Variants in DRC11 observed in about 807,000 individuals in gnomAD.
DRC11 encodes IQ and AAA domain-containing protein 1.
the DRC11 span, among the ~76,000 whole-genome samples, chr2:236,326,631 TCTC>T: frequency 3.3e-5 from 5 of 152,216 alleles, no homozygotes; most frequent in African/African-American, 1.2e-4. Context: ...AATTATCTCT[TCTC>T]ATTTCATTTT....
At chr2:236,493,137 C>CA in the DRC11 span, among the ~76,000 whole-genome samples, 1 of 152,066 alleles carries the variant, frequency 6.6e-6, no homozygotes, top group Non-Finnish European at 1.5e-5. Context: ...TCTCATATGG[C>CA]GGCAGACAAG....
At chr2:236,426,026 C>G in the DRC11 span, among the ~76,000 whole-genome samples, 2 of 151,860 alleles carry the variant, frequency 1.3e-5, no homozygotes, top group African/African-American at 4.9e-5. This position sits in a 1 kb window ranked among gnomAD's most constrained non-coding sequence, Gnocchi z 4.1. Flanking sequence ...CGCTGTTTTG[C>G]TTTCTGTAGC....
At chr2:236,465,754 A>G in the DRC11 span, 1 of 1,220,550 alleles carries the variant, frequency 8.2e-7, no homozygotes, top group Non-Finnish European at 1.2e-6. This position sits in a 1 kb window ranked among gnomAD's most constrained non-coding sequence, Gnocchi z 6.2. Context: ...CATAAAAGTT[A>G]CAGAGTTGGT....
chr2:236,467,851 A>G, the DRC11 span, among the ~76,000 whole-genome samples: 1 of 152,230 alleles, frequency 6.6e-6, no homozygotes, highest in African/African-American at 2.4e-5. Flanking sequence ...TAAATTTTAA[A>G]CGAATTAGTT....
the DRC11 span, among the ~76,000 whole-genome samples, chr2:236,437,311 T>C: frequency 7.1e-6 from 1 of 140,244 alleles, no homozygotes; most frequent in African/African-American, 2.7e-5. Context: ...ATGGTGTATA[T>C]GTGCCACATT....
chr2:236,328,400 G>A, the DRC11 span, among the ~76,000 whole-genome samples: 2 of 152,040 alleles, frequency 1.3e-5, no homozygotes, highest in African/African-American at 4.8e-5. This position sits in a 1 kb window ranked among gnomAD's most constrained non-coding sequence, Gnocchi z 6.7. Flanking sequence ...CATGGTGTAG[G>A]CTTGGATTTT....
chr2:236,485,924 T>C, the DRC11 span, among the ~76,000 whole-genome samples: 1 of 152,234 alleles, frequency 6.6e-6, no homozygotes, highest in Non-Finnish European at 1.5e-5. Flanking sequence ...ATGGTCCCAG[T>C]GACCCCGCCT....
the DRC11 span, among the ~76,000 whole-genome samples, chr2:236,319,096 C>G: frequency 6.6e-6 from 1 of 152,218 alleles, no homozygotes; most frequent in Non-Finnish European, 1.5e-5. The surrounding 1 kb of genome is among the most constrained non-coding windows in gnomAD (Gnocchi z 6.7). Context: ...GGGCTTCTCA[C>G]AGGACCCTTC....
chr2:236,485,362 C>T, the DRC11 span, among the ~76,000 whole-genome samples: 1 of 151,992 alleles, frequency 6.6e-6, no homozygotes, highest in Non-Finnish European at 1.5e-5. Context: ...CTCACCAGGG[C>T]TCTGTATGTT....
At chr2:236,430,457 T>A in the DRC11 span, among the ~76,000 whole-genome samples, 2 of 152,260 alleles carry the variant, frequency 1.3e-5, no homozygotes, top group African/African-American at 4.8e-5. This position sits in a 1 kb window ranked among gnomAD's most constrained non-coding sequence, Gnocchi z 6.0. Flanking sequence ...ATACTGTTCT[T>A]GTTCTGCGTT....
chr2:236,351,438 A>G, the DRC11 span, among the ~76,000 whole-genome samples: 1 of 152,168 alleles, frequency 6.6e-6, no homozygotes, highest in African/African-American at 2.4e-5. This position sits in a 1 kb window ranked among gnomAD's most constrained non-coding sequence, Gnocchi z 7.3. Context: ...GCCAGGAGCC[A>G]GGGCACAGGG....
the DRC11 span, among the ~76,000 whole-genome samples, chr2:236,354,139 G>A: frequency 1.3e-5 from 2 of 151,988 alleles, no homozygotes; most frequent in Non-Finnish European, 2.9e-5. Flanking sequence ...GGGGCTCACA[G>A]GAAAGACTGG....
chr2:236,423,370 G>C, the DRC11 span, among the ~76,000 whole-genome samples: 4 of 151,476 alleles, frequency 2.6e-5, no homozygotes, highest in Admixed American at 2.6e-4. Flanking sequence ...AAAAAACAAC[G>C]CCATCAACAA....
the DRC11 span, among the ~76,000 whole-genome samples, chr2:236,321,889 C>T: frequency 2.9e-4 from 44 of 152,270 alleles, no homozygotes; most frequent in Non-Finnish European, 5.1e-4. Context: ...ACTTCACACT[C>T]ATACAACGGG....
chr2:236,323,374 C>G, the DRC11 span, among the ~76,000 whole-genome samples: 2 of 152,146 alleles, frequency 1.3e-5, no homozygotes, highest in African/African-American at 4.8e-5. The surrounding 1 kb of genome is among the most constrained non-coding windows in gnomAD (Gnocchi z 6.4). Flanking sequence ...AATTGGGGCA[C>G]CTTTGGTAAT....
At chr2:236,358,192 ATAAT>A in the DRC11 span, among the ~76,000 whole-genome samples, 1 of 117,044 alleles carries the variant, frequency 8.5e-6, no homozygotes, top group Non-Finnish European at 1.7e-5. Context: ...CTATGAATAT[ATAAT>A]ATATATACTA....
chr2:236,323,409 C>T, the DRC11 span, among the ~76,000 whole-genome samples: 1 of 152,174 alleles, frequency 6.6e-6, no homozygotes, highest in Non-Finnish European at 1.5e-5. This position sits in a 1 kb window ranked among gnomAD's most constrained non-coding sequence, Gnocchi z 6.4. Flanking sequence ...GTGGAGGGCA[C>T]CCTGAAGCCA....
the DRC11 span, among the ~76,000 whole-genome samples, chr2:236,416,732 TA>T: frequency 7.1e-3 from 321 of 45,242 alleles, 4 homozygotes; most frequent in African/African-American, 0.025. Context: ...TATATATATA[TA>T]TATATATATA....
the DRC11 span, among the ~76,000 whole-genome samples, chr2:236,469,503 C>T: frequency 6.6e-6 from 1 of 152,228 alleles, no homozygotes; most frequent in African/African-American, 2.4e-5. The surrounding 1 kb of genome is among the most constrained non-coding windows in gnomAD (Gnocchi z 5.8). Context: ...GTGACTTTCC[C>T]GTCATTCCAT....
Sources: allele counts gnomAD v4.1 joint callset (sites outside exome capture counted in the v4.1 genomes callset), GRCh38; gene constraint gnomAD v4.1.1; non-coding constraint Gnocchi (gnomAD v3.1); transcripts MANE v1.5; gene names NCBI Gene and HGNC (gene_info 2026-07-23, HGNC 2026-07-21).